Variants in MTNAP1 observed in about 807,000 individuals in gnomAD.
MTNAP1 encodes the protein mitochondrial nucleoid associated protein 1, also known as mitochondrial nucleoid-associated protein 1.
the MTNAP1 span, chr17:73,247,107 T>C: frequency 4.0e-6 from 3 of 745,960 alleles, no homozygotes; most frequent in Non-Finnish European, 6.6e-6. Context: ...AGTCAAAATG[T>C]ACAAAAACAA....
the MTNAP1 span, chr17:73,236,944 A>G: frequency 3.9e-5 from 62 of 1,609,594 alleles, no homozygotes; most frequent in South Asian, 5.3e-4. Context: ...TTGGAATGCA[A>G]TGACCCAGAA....
chr17:73,236,550 C>T, the MTNAP1 span: 2 of 1,614,160 alleles, frequency 1.2e-6, no homozygotes, highest in Admixed American at 1.7e-5. Flanking sequence ...TAAGTTTGTT[C>T]ATTCCGAGGG....
At chr17:73,248,722 ACT>A in the MTNAP1 span, 1 of 644,676 alleles carries the variant, frequency 1.6e-6, no homozygotes, top group Non-Finnish European at 2.8e-6. Flanking sequence ...CCCGGCTGTA[ACT>A]CACACGTGGT....
chr17:73,240,328 A>G, the MTNAP1 span, among the ~76,000 whole-genome samples: 4 of 152,202 alleles, frequency 2.6e-5, no homozygotes, highest in East Asian at 5.8e-4. Flanking sequence ...CTCTACTTCT[A>G]TTATAAACTG....
the MTNAP1 span, among the ~76,000 whole-genome samples, chr17:73,242,065 T>C: frequency 6.6e-6 from 1 of 152,196 alleles, no homozygotes; most frequent in African/African-American, 2.4e-5. Context: ...AAAACATTTT[T>C]TCAACCTGTA....
the MTNAP1 span, chr17:73,248,450 C>T: frequency 2.0e-6 from 3 of 1,535,850 alleles, no homozygotes; most frequent in South Asian, 3.6e-5. Flanking sequence ...CGTGTTCTGC[C>T]CTGTCTGTGG....
At chr17:73,238,689 A>G in the MTNAP1 span, among the ~76,000 whole-genome samples, 2 of 151,870 alleles carry the variant, frequency 1.3e-5, no homozygotes, top group East Asian at 3.9e-4. Flanking sequence ...TATTTTTTTT[A>G]TTTTGGGCAC....
chr17:73,237,540 G>C, the MTNAP1 span, among the ~76,000 whole-genome samples: 5 of 152,172 alleles, frequency 3.3e-5, no homozygotes, highest in Non-Finnish European at 7.4e-5. Flanking sequence ...GGTTACACTA[G>C]GGCAGGCTGG....
At chr17:73,235,074 T>A in the MTNAP1 span, among the ~76,000 whole-genome samples, 1 of 151,862 alleles carries the variant, frequency 6.6e-6, no homozygotes, top group African/African-American at 2.4e-5. Context: ...TACAAAAAAT[T>A]AGTCAGGCGT....
chr17:73,243,174 G>C, the MTNAP1 span: 1 of 670,872 alleles, frequency 1.5e-6, no homozygotes, highest in Admixed American at 2.2e-5. Context: ...ATTTTTTTGA[G>C]ATACAGTTTT....
At chr17:73,236,158 G>A in the MTNAP1 span, 4,159 of 1,614,118 alleles carry the variant, frequency 2.6e-3, 79 homozygotes, top group African/African-American at 0.045. Flanking sequence ...TGTGCCTACT[G>A]GTGATTGTCA....
the MTNAP1 span, among the ~76,000 whole-genome samples, chr17:73,242,556 C>T: frequency 6.6e-6 from 1 of 152,268 alleles, no homozygotes; most frequent in South Asian, 2.1e-4. Context: ...ACCATTTATT[C>T]AACAGCTTGT....
the MTNAP1 span, chr17:73,248,798 GT>G: frequency 5.0e-6 from 2 of 403,324 alleles, no homozygotes; most frequent in Non-Finnish European, 8.8e-6. Context: ...GAAAGACTGA[GT>G]TTACTTGGGA....
chr17:73,236,478 T>C, the MTNAP1 span: 2 of 1,614,054 alleles, frequency 1.2e-6, no homozygotes, highest in East Asian at 2.2e-5. Flanking sequence ...GCCATGGCTG[T>C]GAGAACTTCA....
At chr17:73,245,212 A>T in the MTNAP1 span, 1 of 1,613,472 alleles carries the variant, frequency 6.2e-7, no homozygotes, top group South Asian at 1.1e-5. Flanking sequence ...ACATCACTTA[A>T]AGCTCTGGAA....
At chr17:73,248,012 C>CTATTAATA in the MTNAP1 span, 1 of 155,694 alleles carries the variant, frequency 6.4e-6, no homozygotes. Context: ...AGTTTAAGAG[C>CTATTAATA]GTTGTTGAGG....
the MTNAP1 span, among the ~76,000 whole-genome samples, chr17:73,239,681 G>A: frequency 6.6e-6 from 1 of 150,836 alleles, no homozygotes; most frequent in African/African-American, 2.4e-5. Context: ...ACCACGCCCA[G>A]CTAATTTTTT....
the MTNAP1 span, among the ~76,000 whole-genome samples, chr17:73,234,832 A>G: frequency 3.0e-5 from 4 of 132,810 alleles, no homozygotes; most frequent in East Asian, 2.4e-4. Context: ...TTCATTTCTC[A>G]TTCTTTGATT....
chr17:73,235,257 G>A, the MTNAP1 span, among the ~76,000 whole-genome samples: 3 of 152,034 alleles, frequency 2.0e-5, no homozygotes, highest in Admixed American at 1.3e-4. Flanking sequence ...TTGGTTCCTG[G>A]CCTAAGTTTT....
Sources: gnomAD v4.1 joint callset for allele counts (sites outside exome capture counted in the v4.1 genomes callset) on GRCh38, gnomAD v4.1.1 for gene constraint, MANE v1.5 for transcripts, NCBI Gene and HGNC (gene_info 2026-07-23, HGNC 2026-07-21) for gene names.